The following NPFFR1 variants were observed in gnomAD, a reference collection of about 807,000 sequenced individuals.
The protein encoded by NPFFR1 is G-protein coupled receptor 147.
NPFFR1 carries 17 observed loss-of-function variants against 12.7 expected under a neutral mutation model. That is an observed-to-expected ratio of 1.34 (90% CI 0.92 to 2.01). The LOEUF is 2.01. NPFFR1 is among the 30% of genes most tolerant of loss of function. The pLI is 0.00. For missense variants in NPFFR1, 604 were observed against 606.5 expected, an observed-to-expected ratio of 1.00 and a Z score of 0.04; for synonymous variants, 296 against 264.5, an observed-to-expected ratio of 1.12 and a Z score of -1.16.
At chr10:70,256,097 A>T (rs1349654572) in intron 3 of NPFFR1, among the ~76,000 whole-genome samples, 1 of 146,778 alleles carries the variant, frequency 6.8e-6, no homozygotes, top group African/African-American at 2.5e-5. Flanking sequence ...TTCCTGAGAC[A>T]GGGCCTCCTT....
intron 1 of NPFFR1, among the ~76,000 whole-genome samples, chr10:70,270,266 C>T (rs1018258446): frequency 1.3e-5 from 2 of 152,190 alleles, no homozygotes; most frequent in Admixed American, 1.3e-4. Flanking sequence ...GGTCCTGCTG[C>T]AGGCAGGCAG....
At chr10:70,257,970 A>G (rs1175488219) in intron 3 of NPFFR1, among the ~76,000 whole-genome samples, 3 of 152,118 alleles carry the variant, frequency 2.0e-5, no homozygotes, top group African/African-American at 7.2e-5. Flanking sequence ...TTTGTTACTG[A>G]CCTTCTCCTT....
chr10:70,280,785 C>T (rs928584821), intron 1 of NPFFR1, among the ~76,000 whole-genome samples: 3 of 152,108 alleles, frequency 2.0e-5, no homozygotes, highest in Non-Finnish European at 2.9e-5. Context: ...GGGCAGATCA[C>T]GAGGTCAGGA....
chr10:70,266,533 G>A, intron 1 of NPFFR1, 142 bp from the exon 2 acceptor site: 1 of 656,206 alleles, frequency 1.5e-6, no homozygotes, highest in Non-Finnish European at 2.6e-6. Context: ...GTTGCAACTT[G>A]ATGCACTGAT....
In NPFFR1 at chr10:70,248,480, T is replaced by TG. The variant is rs1316633073; in HGVS notation, c.*6476_*6477insC. Reference sequence around the variant, plus strand: ...ACTATGCCTGGCGTTTTTTTTTTGTTTTTTGTTTTTTTTTTTTTTTTTTGA... The same window carrying TG: ...ACTATGCCTGGCGTTTTTTTTTTGTTGTTTTGTTTTTTTTTTTTTTTTTTGA... On this transcript the variant is annotated 3_prime_UTR_variant, in exon 4 of 4. Transcript: ENST00000277942. 1 of 110,550 alleles carries TG rather than the reference T, an allele frequency of 9.0e-6. No individual in the cohort carries two copies. The highest frequency in any genetic ancestry group is 3.5e-5 in the African/African-American group (1 of 28,624). The allele number at this position is 110,550 out of a possible 1,614,324, so 6.8% of individuals were successfully genotyped here.
chr10:70,268,402 G>A (rs1051045737), intron 1 of NPFFR1, among the ~76,000 whole-genome samples: 1 of 152,164 alleles, frequency 6.6e-6, no homozygotes, highest in Non-Finnish European at 1.5e-5. Flanking sequence ...TAGTTGGTTT[G>A]TTTGAGTGTG....
intron 1 of NPFFR1, 21 bp downstream of exon 1, chr10:70,283,649 C>G (rs1252390352): frequency 1.3e-6 from 2 of 1,534,572 alleles, no homozygotes; most frequent in African/African-American, 1.4e-5. Context: ...ACGGCTGGCC[C>G]CCAGCCCCAG....
Position 70,265,976 on chromosome 10 carries a change from C to A in NPFFR1, c.322+101G>T, listed in dbSNP as rs1840684865. The A allele has an allele frequency of 2.6e-6, 3 of 1,159,072 alleles. No homozygotes were observed. The East Asian group carries it at 7.1e-5, about 27-fold the overall frequency. The allele number at this position is 1,159,072 out of a possible 1,614,324, so 71.8% of individuals were successfully genotyped here. A position where few individuals can be genotyped will look rare whatever the true frequency, so the allele number is the denominator to read the frequency against. On this transcript the variant is annotated intron_variant, in intron 2 of 3. Transcript: ENST00000277942. ...ACCACGGCATGGCCAAGAGGCCAGC[C>A]CAGCAATGATATCTGTCTTCTAAGC...
chr10:70,266,408 A>G lies in NPFFR1; in HGVS notation c.8-17T>C. The stretch of plus-strand genomic sequence containing the variant: ...AGGGCTCCCCTAGGACCAAAGGAAT[A>G]TATTGGTCAGGACCTTAGGCAAAGA... On this transcript the variant is annotated splice_polypyrimidine_tract_variant and intron_variant, in intron 1 of 3. Transcript: ENST00000277942. 1 of 1,592,974 alleles carries G rather than the reference A, an allele frequency of 6.3e-7. No individual in the cohort carries two copies. The highest frequency in any genetic ancestry group is 8.6e-7 in the Non-Finnish European group (1 of 1,166,056).
Position 70,283,826 on chromosome 10 carries a change from G to A in NPFFR1, c.-150C>T. 1.2e-6 allele frequency: 1 copy of A among 805,132 alleles called. No homozygotes were observed. Among genetic ancestry groups the A allele is most frequent in the Non-Finnish European group, 1.9e-6 (1 of 520,244 alleles). The allele number at this position is 805,132 out of a possible 1,614,324, so 49.9% of individuals were successfully genotyped here. On this transcript the variant is annotated 5_prime_UTR_variant, in exon 1 of 4. Transcript: ENST00000277942. Reference sequence around the variant, plus strand: ...CGCAGGTCCGGTCGGTCCGGGCAGAGGTGAGCAGGGGGCGTGCGCTCCCAG... The same window carrying A: ...CGCAGGTCCGGTCGGTCCGGGCAGAAGTGAGCAGGGGGCGTGCGCTCCCAG...
At chr10:70,281,234 G>A (rs1361851865) in intron 1 of NPFFR1, among the ~76,000 whole-genome samples, 1 of 152,124 alleles carries the variant, frequency 6.6e-6, no homozygotes, top group Non-Finnish European at 1.5e-5. Context: ...CACAAAAAGG[G>A]ACAACCCAAA....
At chr10:70,274,897 CTT>C (rs1194962577) in intron 1 of NPFFR1, among the ~76,000 whole-genome samples, 2 of 152,198 alleles carry the variant, frequency 1.3e-5, no homozygotes, top group Non-Finnish European at 2.9e-5. Flanking sequence ...TTGGCAAAAG[CTT>C]TCTTAGTACT....
chr10:70,266,205 C>T lies in NPFFR1; in HGVS notation c.194G>A (p.Cys65Tyr). ...LLCMVGNTLV[C>Y]FIVLKNRHMH... ...GTGCCGGTTCTTGAGCACGATGAAA[C>T]AGACCAGGGTGTTGCCCACCATGCA... The change falls in exon 2 of 4, where the codon TGT becomes TAT. Residue 65 changes from cysteine to tyrosine, a missense_variant. Coordinates refer to ENST00000277942, the MANE Select transcript of NPFFR1 (RefSeq NM_022146.5). The T allele has an allele frequency of 6.2e-7, 1 of 1,614,042 alleles. No homozygotes were observed. The highest frequency in any genetic ancestry group is 8.5e-7 in the Non-Finnish European group (1 of 1,179,896).
chr10:70,276,554 G>A (rs1403348897), intron 1 of NPFFR1, among the ~76,000 whole-genome samples: 2 of 150,784 alleles, frequency 1.3e-5, no homozygotes, highest in African/African-American at 4.9e-5. Flanking sequence ...TTGAGCATGA[G>A]AGACCGAATT....
At chr10:70,257,307 G>A (rs201650220) in intron 3 of NPFFR1, among the ~76,000 whole-genome samples, 7 of 152,212 alleles carry the variant, frequency 4.6e-5, no homozygotes, top group Non-Finnish European at 1.0e-4. Context: ...CTGAGATGTT[G>A]TTAATTTGTA....
At position 70,283,930 on chromosome 10, in the gene NPFFR1, C is replaced by G. The variant is rs1024938938; in HGVS notation, c.-254G>C. Among the ~76,000 whole-genome samples the G allele has an allele frequency of 6.6e-6, 1 of 152,314 alleles. No homozygotes were observed. The highest frequency in any genetic ancestry group is 2.4e-5 in the African/African-American group (1 of 41,580). On this transcript the variant is annotated 5_prime_UTR_variant, in exon 1 of 4. Coordinates refer to ENST00000277942, the MANE Select transcript of NPFFR1 (RefSeq NM_022146.5). ...CGCTGCTGCCCGCAGGGCTCAGCCG[C>G]CCGCCGCCCCTCGCCTCCCGACCAG...
chr10:70,256,055 A>C (rs565296725), intron 3 of NPFFR1, among the ~76,000 whole-genome samples: 1 of 144,332 alleles, frequency 6.9e-6, no homozygotes, highest in African/African-American at 2.5e-5. Flanking sequence ...TCCTGTGTGC[A>C]CTTTTGCACT....
At chr10:70,270,956 A>G (rs1007391025) in intron 1 of NPFFR1, among the ~76,000 whole-genome samples, 1 of 152,134 alleles carries the variant, frequency 6.6e-6, no homozygotes, top group Non-Finnish European at 1.5e-5. Flanking sequence ...TGTCAGCATC[A>G]CCTGGAACTC....
At chr10:70,282,640 A>G (rs1354406724) in intron 1 of NPFFR1, among the ~76,000 whole-genome samples, 1 of 152,176 alleles carries the variant, frequency 6.6e-6, no homozygotes, top group Non-Finnish European at 1.5e-5. Flanking sequence ...GTTGTACAAC[A>G]TATCTTATTT....
Sources: gnomAD v4.1 joint callset for allele counts (sites outside exome capture counted in the v4.1 genomes callset) on GRCh38, gnomAD v4.1.1 for gene constraint, MANE v1.5 for transcripts, NCBI Gene and HGNC (gene_info 2026-07-23, HGNC 2026-07-21) for gene names.